ZNF329: variants seen among roughly 807,000 people sequenced by gnomAD.
ZNF329 encodes zinc finger protein 329.
In ZNF329, 15 loss-of-function variants were observed where a neutral mutation model predicts 26.6. The ratio of observed to expected loss-of-function variants is 0.56; its 90% confidence interval spans 0.38 to 0.87. The LOEUF (loss-of-function observed/expected upper bound fraction) is 0.87. Among genes scored for constraint, ZNF329 ranks in the 40% least tolerant of loss-of-function variants. The pLI is 0.00. For missense variants in ZNF329, 651 were observed against 651.9 expected (o/e 1.00, Z 0.02); for synonymous variants, 239 against 233.5 (o/e 1.02, Z -0.21).
chr19:58,139,415 T>G (rs776693917), intron 3 of ZNF329, among the ~76,000 whole-genome samples: 1 of 152,154 alleles, frequency 6.6e-6, no homozygotes, highest in Non-Finnish European at 1.5e-5. Flanking sequence ...AGAAATCTAT[T>G]TCTCACAGTT....
chr19:58,154,123 T>C (rs159677), upstream of ZNF329, among the ~76,000 whole-genome samples: 87,920 of 151,740 alleles, frequency 0.58, 25,505 homozygotes, highest in South Asian at 0.64. Context: ...ATTCTCCTGT[T>C]TCAGCCTCCC....
intron 1 of ZNF329, among the ~76,000 whole-genome samples, chr19:58,145,613 C>T (rs969528058): frequency 1.2e-4 from 18 of 152,092 alleles, no homozygotes; most frequent in African/African-American, 4.1e-4. Context: ...CGAGCCACTG[C>T]GCCAAGCCAA....
chr19:58,129,405 A>G lies in ZNF329; in HGVS notation c.99T>C (p.Ser33=), dbSNP rs1303902494. ...RFTREVPCLS[S]LGDGWDCENQ... is the part of the protein sequence containing the mutation. ...TCTCACAGTCCCAACCATCACCTAA[A>G]CTGGACAAGCAGGGAACTTCCCTTG... Residue 33 remains serine (S), a synonymous_variant, in exon 4 of 4, where the codon AGT becomes AGC. Transcript: ENST00000598312. The G allele has an allele frequency of 1.2e-6, 2 of 1,614,138 alleles. No homozygotes were observed. The highest frequency in any genetic ancestry group is 1.7e-6 in the Non-Finnish European group (2 of 1,180,028).
At chr19:58,134,063 A>G (rs1475534127) in intron 3 of ZNF329, among the ~76,000 whole-genome samples, 1 of 152,218 alleles carries the variant, frequency 6.6e-6, no homozygotes, top group Non-Finnish European at 1.5e-5. Context: ...AGTATAAAAC[A>G]TCTAAGCCCA....
Position 58,129,053 on chromosome 19 carries a change from C to G in ZNF329, c.451G>C (p.Glu151Gln). 1 of 1,613,954 alleles carries G rather than the reference C, an allele frequency of 6.2e-7. No individual in the cohort carries two copies. The part of the protein sequence containing the change: ...PVREKPYKYP[E>Q]SVKSFNHFTS... ...AAATGATTAAAAGACTTAACACTTT[C>G]AGGGTATTTGTAGGGCTTCTCTCTC... Residue 151 changes from glutamate to glutamine, a missense_variant, in exon 4 of 4, where the codon GAA (glutamate) becomes CAA (glutamine). By Grantham distance (29) the Glu-to-Gln change is conservative (BLOSUM62 2). Transcript: ENST00000598312.
At chr19:58,141,648 T>C (rs543683535) in intron 3 of ZNF329, among the ~76,000 whole-genome samples, 1 of 152,112 alleles carries the variant, frequency 6.6e-6, no homozygotes, top group East Asian at 2.0e-4. Context: ...TCCCAGCACT[T>C]TGGGTGGCTG....
intron 3 of ZNF329, among the ~76,000 whole-genome samples, chr19:58,140,410 C>G (rs944980955): frequency 1.8e-5 from 2 of 112,354 alleles, no homozygotes; most frequent in Non-Finnish European, 3.8e-5. Context: ...CTATAAAACT[C>G]TTTCTTTTTT....
intron 3 of ZNF329, among the ~76,000 whole-genome samples, chr19:58,141,598 C>A (rs891425144): frequency 6.6e-5 from 10 of 152,136 alleles, no homozygotes; most frequent in African/African-American, 2.4e-4. Context: ...CCCGGCCTGG[C>A]CTAATGCTCT....
At chr19:58,140,017 A>G (rs1230316263) in intron 3 of ZNF329, among the ~76,000 whole-genome samples, 4 of 152,222 alleles carry the variant, frequency 2.6e-5, no homozygotes, top group Non-Finnish European at 4.4e-5. Flanking sequence ...TGATCCAGCT[A>G]TTCCACTGCT....
At chr19:58,143,509 G>C (rs938020829) in intron 1 of ZNF329, among the ~76,000 whole-genome samples, 1 of 152,198 alleles carries the variant, frequency 6.6e-6, no homozygotes, top group Non-Finnish European at 1.5e-5. Flanking sequence ...AAAAGAGCTA[G>C]GAGTAGTTGT....
chr19:58,140,765 T>G (rs2075167546), intron 3 of ZNF329, among the ~76,000 whole-genome samples: 1 of 152,018 alleles, frequency 6.6e-6, no homozygotes, highest in Non-Finnish European at 1.5e-5. Context: ...CAGCCTAGAC[T>G]GCAAGGTGCA....
At chr19:58,145,160 TTA>T (rs2075279654) in intron 1 of ZNF329, among the ~76,000 whole-genome samples, 2 of 150,510 alleles carry the variant, frequency 1.3e-5, no homozygotes, top group African/African-American at 5.0e-5. Context: ...TTTTTTTTTT[TTA>T]AATGTTTTGT....
intron 3 of ZNF329, among the ~76,000 whole-genome samples, chr19:58,139,698 A>C (rs7248624): frequency 0.011 from 1,728 of 152,306 alleles, 44 homozygotes; most frequent in African/African-American, 0.039. Flanking sequence ...TTGAGGGGAC[A>C]CTACATTCAC....
At chr19:58,137,809 CAAAAAAAAAAA>C (rs72295173) in intron 3 of ZNF329, among the ~76,000 whole-genome samples, 1 of 76,262 alleles carries the variant, frequency 1.3e-5, no homozygotes, top group Non-Finnish European at 2.4e-5. Flanking sequence ...ACAAAAAATA[CAAAAAAAAAAA>C]AAAAAAAAAA....
chr19:58,143,536 C>A (rs564844082), intron 1 of ZNF329, among the ~76,000 whole-genome samples: 2 of 152,280 alleles, frequency 1.3e-5, no homozygotes, highest in South Asian at 4.1e-4. Context: ...AAAGTCAAGG[C>A]TCCTCCTTAA....
At chr19:58,137,391 TAA>T (rs1311889306) in intron 3 of ZNF329, among the ~76,000 whole-genome samples, 1 of 151,500 alleles carries the variant, frequency 6.6e-6, no homozygotes. Context: ...TCGTCTCTAC[TAA>T]AAGTATAAAA....
chr19:58,140,874 A>ATTTTTTTTTTT lies in ZNF329; in HGVS notation c.-9+1672_-9+1682dup, dbSNP rs34583536. Among the ~76,000 whole-genome samples, 1,215 of 133,768 alleles carry ATTTTTTTTTTT rather than the reference A, an allele frequency of 9.1e-3. 26 individuals carry two copies. Among genetic ancestry groups the ATTTTTTTTTTT allele is most frequent in the African/African-American group, 0.031 (1,114 of 35,894 alleles). The allele number at this position is 133,768 out of a possible 152,430, so 87.8% of individuals were successfully genotyped here. On this transcript the variant is annotated intron_variant, in intron 3 of 3. Transcript: ENST00000598312. Reference sequence around the variant, plus strand: ...CCACAGTTGCACACCATCACACATAATTTTTTTTTTTTTTTTGAGTTAGAA... The same window carrying ATTTTTTTTTTT: ...CCACAGTTGCACACCATCACACATAATTTTTTTTTTTTTTTTTTTTTTTTTTTGAGTTAGAA...
intron 3 of ZNF329, 60 bp from the exon 4 acceptor site, chr19:58,129,571 G>A: frequency 7.1e-7 from 1 of 1,399,340 alleles, no homozygotes; most frequent in Non-Finnish European, 9.7e-7. Flanking sequence ...AAGAGAAACA[G>A]ACAATGATGA....
In ZNF329 at chr19:58,126,422, A is replaced by G. The variant is rs2074802765; in HGVS notation, c.*1456T>C. 1 of 152,242 alleles carries G rather than the reference A, an allele frequency of 6.6e-6. No homozygotes were observed. Among genetic ancestry groups the G allele is most frequent in the Admixed American group, 6.5e-5 (1 of 15,280 alleles). 9.4% of individuals were successfully genotyped at this position (152,242 alleles called of 1,614,324 possible). ...CATATTTTTACATGGCTGGAATAAT[A>G]GTAAATCTTCTATTTGATGCCCCTT... On this transcript the variant is annotated 3_prime_UTR_variant, in exon 4 of 4. Transcript: ENST00000598312.
Sources: gnomAD v4.1 joint callset for allele counts (sites outside exome capture counted in the v4.1 genomes callset) on GRCh38, gnomAD v4.1.1 for gene constraint, MANE v1.5 for transcripts, NCBI Gene and HGNC (gene_info 2026-07-23, HGNC 2026-07-21) for gene names.